The following TMPRSS5 variants were observed in gnomAD, a reference collection of about 807,000 sequenced individuals.
TMPRSS5 encodes transmembrane serine protease 5, also known as transmembrane protease serine 5.
A neutral mutation model predicts 59.7 loss-of-function variants in TMPRSS5; 45 were observed. The observed-to-expected ratio is 0.75, with a 90% confidence interval of 0.59 to 0.97. TMPRSS5 has a LOEUF of 0.97. TMPRSS5 is among the 50% of genes least tolerant of loss of function. The pLI is 0.00. For synonymous variants in TMPRSS5, 225 were observed against 232.0 expected (o/e 0.97, Z 0.27); for missense variants, 585 against 596.7 (o/e 0.98, Z 0.20).
chr11:113,697,198 G>A (rs1952953430), intron 5 of TMPRSS5, 85 bp downstream of exon 5: 2 of 1,526,104 alleles, frequency 1.3e-6, no homozygotes, highest in African/African-American at 1.4e-5. Context: ...ACATTGACCA[G>A]TGACGGGCAG....
chr11:113,699,310 G>C (rs759394208), intron 3 of TMPRSS5, among the ~76,000 whole-genome samples: 1 of 88,756 alleles, frequency 1.1e-5, no homozygotes, highest in Non-Finnish European at 2.2e-5. Flanking sequence ...TCTCTCTCTA[G>C]CTGTCTCTCA....
chr11:113,704,363 C>T (rs1953227882), intron 1 of TMPRSS5, among the ~76,000 whole-genome samples: 1 of 152,204 alleles, frequency 6.6e-6, no homozygotes, highest in African/African-American at 2.4e-5. Context: ...TATCTTGTCT[C>T]TCTCTGTTAT....
intron 2 of TMPRSS5, 121 bp from the exon 3 acceptor site, chr11:113,699,814 C>T: frequency 7.2e-7 from 1 of 1,379,754 alleles, no homozygotes; most frequent in Non-Finnish European, 1.0e-6. Flanking sequence ...CCTCCTCCTG[C>T]CCCATCAGCC....
chr11:113,691,137 G>C (rs1333791505), intron 9 of TMPRSS5, 198 bp from the exon 10 acceptor site: 4 of 585,966 alleles, frequency 6.8e-6, no homozygotes, highest in Non-Finnish European at 1.2e-5. Flanking sequence ...CCCTGTCACA[G>C]AGGACAGCAT....
intron 2 of TMPRSS5, 22 bp downstream of exon 2, chr11:113,700,044 C>T (rs1490051966): frequency 6.4e-7 from 1 of 1,554,384 alleles, no homozygotes; most frequent in Non-Finnish European, 8.7e-7. Context: ...CTGTCATTCC[C>T]CTATGGCCCA....
At chr11:113,689,512 C>G (rs562972115) in intron 12 of TMPRSS5, among the ~76,000 whole-genome samples, 1 of 152,184 alleles carries the variant, frequency 6.6e-6, no homozygotes, top group East Asian at 1.9e-4. Context: ...AGAAATTTGC[C>G]AAAGGTCGAC....
Position 113,694,524 on chromosome 11 carries a change from C to G in TMPRSS5, c.739G>C (p.Val247Leu), listed in dbSNP as rs752169997. 6.4e-7 allele frequency: 1 copy of G among 1,564,532 alleles called. No individual in the cohort carries two copies. The highest frequency in any genetic ancestry group is 8.7e-7 in the Non-Finnish European group (1 of 1,154,180). ...LGFRHTCGGS[V>L]LAPRWVVTAA... is the part of the protein sequence containing the mutation. The stretch of plus-strand genomic sequence containing the variant: ...GTCACCACCCAGCGTGGCGCTAGCA[C>G]AGAGCCCCCACACGTGTGCCGGAAG... Residue 247 changes from valine to leucine, a missense_variant, in exon 8 of 13, where the codon GTG (valine) becomes CTG (leucine). Transcript: ENST00000299882.
At position 113,699,620 on chromosome 11, in the gene TMPRSS5, A is replaced by T; in HGVS notation, c.180T>A (p.Gly60=). 1.3e-6 allele frequency: 2 copies of T among 1,580,566 alleles called. No homozygotes were observed. Among genetic ancestry groups the T allele is most frequent in the East Asian group, 2.3e-5 (1 of 42,976 alleles). The change falls in exon 3 of 13, where the codon GGT becomes GGA. Residue 60 remains glycine, a synonymous_variant. Coordinates refer to ENST00000299882, the MANE Select transcript of TMPRSS5 (RefSeq NM_030770.4). ...CTAGGAGCCATGAGCCAACACCTGC[A>T]CCGGCCAGCAGCCCCAGGGCTCCCA... is the stretch of plus-strand genomic sequence containing the variant. ...AVLGALGLLA[G]AGVGSWLLVL...
intron 1 of TMPRSS5, 77 bp from the exon 2 acceptor site, chr11:113,700,245 C>A: frequency 7.6e-7 from 1 of 1,310,234 alleles, no homozygotes; most frequent in Non-Finnish European, 1.0e-6. Context: ...AGTCCAAGTC[C>A]CCATTCTTTA....
chr11:113,699,890 C>A, intron 2 of TMPRSS5, 176 bp downstream of exon 2: 1 of 1,496,138 alleles, frequency 6.7e-7, no homozygotes, highest in South Asian at 1.3e-5. Flanking sequence ...CCCACAAATC[C>A]CACTCAATCC....
At chr11:113,699,964 T>A (rs1381641473) in intron 2 of TMPRSS5, 102 bp downstream of exon 2, 1 of 1,544,570 alleles carries the variant, frequency 6.5e-7, no homozygotes, top group South Asian at 1.2e-5. Context: ...CCTCTCACCA[T>A]CAATCATGTG....
intron 9 of TMPRSS5, among the ~76,000 whole-genome samples, chr11:113,692,120 T>A (rs1952799936): frequency 1.3e-5 from 2 of 152,138 alleles, no homozygotes; most frequent in African/African-American, 4.8e-5. Flanking sequence ...ACTCCTGACC[T>A]CAAATGATCT....
intron 1 of TMPRSS5, among the ~76,000 whole-genome samples, chr11:113,704,543 C>G (rs754433690): frequency 3.9e-5 from 6 of 152,176 alleles, no homozygotes; most frequent in Non-Finnish European, 8.8e-5. Context: ...ATCCTCACTG[C>G]CAGCACTTGC....
chr11:113,703,806 T>C (rs1205745284), intron 1 of TMPRSS5, among the ~76,000 whole-genome samples: 2 of 152,204 alleles, frequency 1.3e-5, no homozygotes, highest in Non-Finnish European at 2.9e-5. Context: ...AAGAAGAGTG[T>C]GTTTGCTTCC....
chr11:113,695,586 C>G, intron 6 of TMPRSS5, 143 bp from the exon 7 acceptor site: 1 of 799,318 alleles, frequency 1.3e-6, no homozygotes, highest in Non-Finnish European at 2.1e-6. Flanking sequence ...TGAAGAATAC[C>G]ACCATTTCCT....
At chr11:113,692,913 G>A (rs1355041145) in intron 9 of TMPRSS5, among the ~76,000 whole-genome samples, 158 bp downstream of exon 9, 1 of 152,126 alleles carries the variant, frequency 6.6e-6, no homozygotes, top group Non-Finnish European at 1.5e-5. Context: ...TTCAGAACCA[G>A]ATGATGCCAA....
At chr11:113,692,354 TGTG>T (rs1461953043) in intron 9 of TMPRSS5, among the ~76,000 whole-genome samples, 2 of 151,836 alleles carry the variant, frequency 1.3e-5, no homozygotes, top group Non-Finnish European at 2.9e-5. Flanking sequence ...TGTTTGTGTG[TGTG>T]GTGTGTGTGC....
chr11:113,699,249 C>T lies in TMPRSS5; in HGVS notation c.206-222G>A, dbSNP rs1041309740. Among the ~76,000 whole-genome samples the T allele has an allele frequency of 1.0e-4, 9 of 88,976 alleles. No individual in the cohort carries two copies. In the Admixed American group the frequency reaches 1.1e-3, roughly 11 times the overall value. 58.4% of individuals were successfully genotyped at this position (88,976 alleles called of 152,430 possible). The stretch of plus-strand genomic sequence containing the variant: ...TCTCTCTCTCTCTCTCTCTCTCTCT[C>T]TCTCTCTCTCTCTCTCTCTCTCCCT... On this transcript the variant is annotated intron_variant, in intron 3 of 12. Coordinates refer to ENST00000299882, the MANE Select transcript of TMPRSS5 (RefSeq NM_030770.4).
rs200462363 is a variant in TMPRSS5 at position 113,703,300 on chromosome 11, TGG to T, written c.3+2920_3+2921del. On this transcript the variant is annotated intron_variant, in intron 1 of 12. Coordinates refer to ENST00000299882, the MANE Select transcript of TMPRSS5 (RefSeq NM_030770.4). ...TGCCCTATTGGATTTCAGACTTGCATGGGGACTGTAACCTCTTTATTTTGACC... is the reference window on the plus strand; with the variant it reads ...TGCCCTATTGGATTTCAGACTTGCATGGACTGTAACCTCTTTATTTTGACC... Among the ~76,000 whole-genome samples the T allele has an allele frequency of 9.1e-3, 1,390 of 152,350 alleles. 18 individuals carry two copies. The highest frequency in any genetic ancestry group is 0.03 in the African/African-American group (1,260 of 41,572).
Sources: allele counts gnomAD v4.1 joint callset (sites outside exome capture counted in the v4.1 genomes callset), GRCh38; gene constraint gnomAD v4.1.1; transcripts MANE v1.5; gene names NCBI Gene and HGNC (gene_info 2026-07-23, HGNC 2026-07-21).